Variants in PRDM2 observed in about 807,000 individuals in gnomAD.
PRDM2 encodes PR/SET domain 2.
PRDM2 carries 30 observed loss-of-function variants against 130.0 expected under a neutral mutation model. That is an observed-to-expected ratio of 0.23 (90% CI 0.17 to 0.31). The LOEUF is 0.31. PRDM2 is among the 10% of genes least tolerant of loss of function. PRDM2 has a pLI of 1.00. For synonymous variants in PRDM2, 871 were observed against 782.4 expected (o/e 1.11, Z -1.89); for missense variants, 2,011 against 2,108.4 (o/e 0.95, Z 0.90).
intron 4 of PRDM2, among the ~76,000 whole-genome samples, chr1:13,741,767 G>A (rs577615390): frequency 4.2e-3 from 312 of 73,420 alleles, no homozygotes; most frequent in Non-Finnish European, 6.5e-3. Flanking sequence ...TGTGTGTGTA[G>A]GGGTGGGGGG....
At position 13,782,624 on chromosome 1, in the gene PRDM2, G is replaced by T; in HGVS notation, c.4829G>T (p.Ser1610Ile). 3.1e-6 allele frequency: 5 copies of T among 1,614,154 alleles called. No homozygotes were observed. The highest frequency in any genetic ancestry group is 1.3e-5 in the African/African-American group (1 of 75,040). ...CAGCTTTCCAGCAAAACATCACGGAGCCTGCACGTGAGGGTACAGAAAAGC... is the reference window on the plus strand; with the variant it reads ...CAGCTTTCCAGCAAAACATCACGGATCCTGCACGTGAGGGTACAGAAAAGC... ...SAQLSSKTSR[S>I]LHVRVQKSKA... Residue 1610 changes from serine to isoleucine, a missense_variant, in exon 8 of 10, where the codon AGC becomes ATC. By Grantham distance (142) the Ser-to-Ile change is moderately radical. Transcript: ENST00000311066.
rs1644350176 is a variant in PRDM2, at chr1:13,771,063, A to C, written c.512-2015A>C. On this transcript the variant is annotated intron_variant, in intron 6 of 9. Transcript: ENST00000311066. This position sits in a 1 kb window ranked among gnomAD's most constrained non-coding sequence, Gnocchi z 4.1. ...CTGATGGAAAGGAGGTAGAATCCAA[A>C]TTCCCTTAAACAAAACTGGATCCCT... Among the ~76,000 whole-genome samples, 1 of 152,230 alleles carries C rather than the reference A, an allele frequency of 6.6e-6. No homozygotes were observed. The highest frequency in any genetic ancestry group is 1.9e-4 in the East Asian group (1 of 5,204).
At chr1:13,782,881 C>G in intron 8 of PRDM2, 50 bp downstream of exon 8, 1 of 1,599,224 alleles carries the variant, frequency 6.3e-7, no homozygotes, top group Non-Finnish European at 8.5e-7. Flanking sequence ...CGACAGTATC[C>G]TTGCCTACGG....
intron 8 of PRDM2, among the ~76,000 whole-genome samples, chr1:13,809,326 G>A (rs754676906): frequency 6.6e-6 from 1 of 152,200 alleles, no homozygotes; most frequent in Non-Finnish European, 1.5e-5. Context: ...TGAGGAAGGC[G>A]CCTTGCAGGA....
At chr1:13,786,128 G>A (rs547109027) in intron 8 of PRDM2, among the ~76,000 whole-genome samples, 69 of 152,138 alleles carry the variant, frequency 4.5e-4, no homozygotes, top group African/African-American at 1.5e-3. Context: ...GTGAGCCACC[G>A]TGCCTGGTGT....
chr1:13,708,401 T>G lies in PRDM2; in HGVS notation c.-65-7140T>G, dbSNP rs942377499. On this transcript the variant is annotated intron_variant, in intron 1 of 9. Transcript: ENST00000311066. ...AAACTTAAATATATCAAACAAAAGC[T>G]TGAATCAGTCTCATTTTCTCACTGG... Among the ~76,000 whole-genome samples, 7 of 152,200 alleles carry G rather than the reference T, an allele frequency of 4.6e-5. No individual in the cohort carries two copies. The South Asian group carries it at 1.2e-3, about 27-fold the overall frequency.
chr1:13,753,468 A>G (rs1318356067), intron 6 of PRDM2, among the ~76,000 whole-genome samples: 1 of 152,114 alleles, frequency 6.6e-6, no homozygotes, highest in Non-Finnish European at 1.5e-5. Context: ...CTCTACGATC[A>G]GAATTGTTTA....
chr1:13,722,164 A>G (rs553238482), intron 2 of PRDM2, among the ~76,000 whole-genome samples: 6 of 152,294 alleles, frequency 3.9e-5, no homozygotes, highest in Non-Finnish European at 7.4e-5. Context: ...TTCCTCGCCA[A>G]CGTTTTCCTC....
rs572775192 is a variant in PRDM2, at chr1:13,803,308, C to G, written c.5037-13119C>G. ...AGCCTGGCTTTGCCATCCATTTGTT[C>G]AGGAAACGTTCTCTGAGCACCAGCC... On this transcript the variant is annotated intron_variant, in intron 8 of 9. Transcript: ENST00000311066. The surrounding 1 kb of genome is among the most constrained non-coding windows in gnomAD (Gnocchi z 6.2). Among the ~76,000 whole-genome samples the G allele has an allele frequency of 1.3e-5, 2 of 152,302 alleles. No individual in the cohort carries two copies. The highest frequency in any genetic ancestry group is 6.5e-5 in the Admixed American group (1 of 15,304).
intron 1 of PRDM2, among the ~76,000 whole-genome samples, chr1:13,702,812 G>C (rs1298615658): frequency 6.6e-6 from 1 of 151,734 alleles, no homozygotes; most frequent in Non-Finnish European, 1.5e-5. Flanking sequence ...TACTCATGCA[G>C]AAAAAAAACC....
In PRDM2 at chr1:13,823,280, T is replaced by G. The variant is rs1570148631; in HGVS notation, c.*145T>G. 7.3e-7 allele frequency: 1 copy of G among 1,365,594 alleles called. No homozygotes were observed. The highest frequency in any genetic ancestry group is 2.4e-5 in the East Asian group (1 of 41,978). The allele number at this position is 1,365,594 out of a possible 1,614,324, so 84.6% of individuals were successfully genotyped here. A position where few individuals can be genotyped will look rare whatever the true frequency, so the allele number is the denominator to read the frequency against. ...AAGGGAGTGCATGTGCGCGCGTGCA[T>G]GTGTGCGTGCGTGTGTGTTCACGTG... On this transcript the variant is annotated 3_prime_UTR_variant, in exon 10 of 10. Coordinates refer to ENST00000311066, the MANE Select transcript of PRDM2 (RefSeq NM_001393986.1).
rs552592299 is a variant in PRDM2 at position 13,771,785 on chromosome 1, G to C, written c.512-1293G>C. On this transcript the variant is annotated intron_variant, in intron 6 of 9. Transcript: ENST00000311066. This position sits in a 1 kb window ranked among gnomAD's most constrained non-coding sequence, Gnocchi z 4.1. ...TGGTATTTTAGAATTTACGTTTTAA[G>C]ACTAACAAGCAAAATGACTGTTAAG... 1.2e-4 allele frequency: 19 copies of C among 152,312 alleles called. No individual in the cohort carries two copies. The South Asian group carries it at 3.7e-3, about 30-fold the overall frequency. 9.4% of individuals were successfully genotyped at this position (152,312 alleles called of 1,614,324 possible). A position where few individuals can be genotyped will look rare whatever the true frequency, so the allele number is the denominator to read the frequency against.
At chr1:13,784,094 A>T (rs1423385194) in intron 8 of PRDM2, among the ~76,000 whole-genome samples, 4 of 152,210 alleles carry the variant, frequency 2.6e-5, no homozygotes, top group Admixed American at 2.0e-4. Flanking sequence ...TCAGATTTTT[A>T]AAAAGTTACT....
At chr1:13,759,083 C>A (rs1644033582) in intron 6 of PRDM2, among the ~76,000 whole-genome samples, 1 of 151,538 alleles carries the variant, frequency 6.6e-6, no homozygotes, top group South Asian at 2.1e-4. Context: ...TGTCTGTTAC[C>A]AGTTATGGAG....
At chr1:13,770,985 G>A (rs77229905) in intron 6 of PRDM2, among the ~76,000 whole-genome samples, 15,252 of 152,160 alleles carry the variant, frequency 0.1, 962 homozygotes, top group Admixed American at 0.22. Context: ...AATCTAATAC[G>A]GGCTGAGCAT....
intron 6 of PRDM2, chr1:13,772,360 C>G (rs1212843457): frequency 6.6e-6 from 1 of 152,154 alleles, no homozygotes; most frequent in Non-Finnish European, 1.5e-5. Context: ...CTTATGAGAA[C>G]GATGTTGCAA....
chr1:13,759,187 A>G (rs1197777268), intron 6 of PRDM2, among the ~76,000 whole-genome samples: 2 of 151,460 alleles, frequency 1.3e-5, no homozygotes, highest in Non-Finnish European at 2.9e-5. Flanking sequence ...TTTAAATGAA[A>G]ACTACAGCGA....
intron 6 of PRDM2, among the ~76,000 whole-genome samples, chr1:13,752,534 T>G (rs1643869259): frequency 6.6e-6 from 1 of 152,230 alleles, no homozygotes; most frequent in African/African-American, 2.4e-5. Flanking sequence ...TAGAAGTATT[T>G]CTCATCTTCT....
At position 13,816,531 on chromosome 1, in the gene PRDM2, C is replaced by T. The variant is rs1645261024; in HGVS notation, c.5141C>T (p.Pro1714Leu). ...KAPAAAQFQG[P>L]FFKE The stretch of plus-strand genomic sequence containing the variant: ...CCAGCTGCAGCCCAGTTCCAGGGAC[C>T]ATTCTTCAAAGAGTAGACACTCTGG... The change falls in exon 9 of 10, where the codon CCA (proline) becomes CTA (leucine). Residue 1714 changes from proline to leucine, a missense_variant. By Grantham distance (98) the Pro-to-Leu change is moderately conservative. Coordinates refer to ENST00000311066, the MANE Select transcript of PRDM2 (RefSeq NM_001393986.1). 1 of 1,613,976 alleles carries T rather than the reference C, an allele frequency of 6.2e-7. No homozygotes were observed. The highest frequency in any genetic ancestry group is 8.5e-7 in the Non-Finnish European group (1 of 1,180,008).
Sources: allele counts gnomAD v4.1 joint callset (sites outside exome capture counted in the v4.1 genomes callset), GRCh38; gene constraint gnomAD v4.1.1; non-coding constraint Gnocchi (gnomAD v3.1); transcripts MANE v1.5; gene names NCBI Gene and HGNC (gene_info 2026-07-23, HGNC 2026-07-21).